Variants in SEPTIN2 observed in about 807,000 individuals in gnomAD.
The protein encoded by SEPTIN2 is septin 2.
A neutral mutation model predicts 46.5 loss-of-function variants in SEPTIN2; 34 were observed. That is an observed-to-expected ratio of 0.73 (90% confidence interval 0.56 to 0.97). SEPTIN2 has a LOEUF of 0.97. Ranked by LOEUF, SEPTIN2 falls within the 50% of genes least tolerant of loss-of-function variation. SEPTIN2 has a pLI of 0.00. For synonymous variants in SEPTIN2, 175 were observed against 153.4 expected (o/e 1.14, Z -1.04); for missense variants, 347 against 448.4 (o/e 0.77, Z 2.04).
At chr2:241,326,200 A>G in intron 3 of SEPTIN2, 87 bp downstream of exon 3, 1 of 1,294,006 alleles carries the variant, frequency 7.7e-7, no homozygotes, top group East Asian at 2.6e-5. Context: ...ACCTATAAAG[A>G]AAGAGGAAAA....
intron 7 of SEPTIN2, among the ~76,000 whole-genome samples, chr2:241,338,216 C>T (rs1175771825): frequency 6.6e-6 from 1 of 152,078 alleles, no homozygotes; most frequent in African/African-American, 2.4e-5. Flanking sequence ...TGTCAGCCAG[C>T]GAAGCGCCTC....
intron 1 of SEPTIN2, among the ~76,000 whole-genome samples, chr2:241,321,341 G>C (rs59496049): frequency 0.15 from 22,946 of 151,970 alleles, 2,344 homozygotes; most frequent in Admixed American, 0.34. Flanking sequence ...TGAATATACA[G>C]GCTTATGAAT....
chr2:241,334,608 G>C (rs2079594942), intron 3 of SEPTIN2, among the ~76,000 whole-genome samples: 2 of 152,170 alleles, frequency 1.3e-5, no homozygotes, highest in Non-Finnish European at 2.9e-5. Context: ...GCAGAAGGGG[G>C]AGGTTGCAGA....
Position 241,337,119 on chromosome 2 carries a change from C to CCCT in SEPTIN2, c.342-262_342-260dup. ...AAAAAAAAAAAGAACGAATTGGCAG[C>CCCT]CCTGTCTACACTGGCCCTCTCTCAG... On this transcript the variant is annotated intron_variant, in intron 5 of 12. Coordinates refer to ENST00000391971, the MANE Select transcript of SEPTIN2 (RefSeq NM_004404.5). The CCCT allele has an allele frequency of 5.6e-6, 2 of 358,166 alleles. 1 individual carries two copies. 22.2% of individuals were successfully genotyped at this position (358,166 alleles called of 1,614,324 possible). A position where few individuals can be genotyped will look rare whatever the true frequency, so the allele number is the denominator to read the frequency against.
intron 8 of SEPTIN2, among the ~76,000 whole-genome samples, chr2:241,343,436 T>C (rs1174030816): frequency 4.6e-5 from 7 of 151,904 alleles, no homozygotes; most frequent in African/African-American, 1.5e-4. Flanking sequence ...GAGGCAGAGG[T>C]TGCAGTGAGC....
At chr2:241,324,280 A>T (rs750543286) in intron 2 of SEPTIN2, 39 bp downstream of exon 2, 3 of 1,569,528 alleles carry the variant, frequency 1.9e-6, no homozygotes, top group Non-Finnish European at 2.6e-6. Flanking sequence ...ATAAGGAGAA[A>T]TTGCTTTATG....
chr2:241,346,381 A>T (rs1310024252), intron 10 of SEPTIN2, 132 bp downstream of exon 10: 1 of 574,102 alleles, frequency 1.7e-6, no homozygotes, highest in Admixed American at 3.4e-5. Context: ...AAGTTATTAT[A>T]AAAGAGTTGT....
Position 241,346,170 on chromosome 2 carries a change from C to T in SEPTIN2, c.847C>T (p.His283Tyr), listed in dbSNP as rs1418571597. Reference sequence around the variant, plus strand: ...TGCATTCCTCTTCTCTTTCAGCACCCACATGCAGGATCTCCAGGAGGTGAC... The same window carrying T: ...TGCATTCCTCTTCTCTTTCAGCACCTACATGCAGGATCTCCAGGAGGTGAC... ...FLKLRTMLIT[H>Y]MQDLQEVTQD... The change falls in exon 10 of 13, where the codon CAC becomes TAC. Residue 283 changes from histidine to tyrosine, a missense_variant. Transcript: ENST00000391971. The T allele has an allele frequency of 6.2e-7, 1 of 1,613,408 alleles. No individual in the cohort carries two copies. Among genetic ancestry groups the T allele is most frequent in the Admixed American group, 1.7e-5 (1 of 59,990 alleles).
Position 241,335,192 on chromosome 2 carries a change from G to A in SEPTIN2, c.197G>A (p.Arg66Lys), listed in dbSNP as rs1246615680. ...SLFLTDLYPE[R>K]VIPGAAEKIE... ...TTCCTAACTGATCTGTACCCAGAAA[G>A]AGTCATACCTGGAGCAGCAGGTAAA... is the stretch of plus-strand genomic sequence containing the variant. Residue 66 changes from arginine (R) to lysine (K), a missense_variant, in exon 4 of 13, where the codon AGA (arginine) becomes AAA (lysine). Coordinates refer to ENST00000391971, the MANE Select transcript of SEPTIN2 (RefSeq NM_004404.5). 3 of 1,613,670 alleles carry A rather than the reference G, an allele frequency of 1.9e-6. No individual in the cohort carries two copies. Among genetic ancestry groups the A allele is most frequent in the Non-Finnish European group, 8.5e-7 (1 of 1,179,714 alleles).
At chr2:241,330,176 C>A (rs1330411913) in intron 3 of SEPTIN2, among the ~76,000 whole-genome samples, 1 of 152,116 alleles carries the variant, frequency 6.6e-6, no homozygotes, top group African/African-American at 2.4e-5. Flanking sequence ...AAAGTCAATG[C>A]ACTGAGTCCT....
At chr2:241,332,255 G>A (rs1027640040) in intron 3 of SEPTIN2, among the ~76,000 whole-genome samples, 1 of 152,174 alleles carries the variant, frequency 6.6e-6, no homozygotes, top group African/African-American at 2.4e-5. Flanking sequence ...GAGGAACTCA[G>A]AAAGTATTCA....
chr2:241,338,902 T>A (rs1451807321), intron 7 of SEPTIN2, among the ~76,000 whole-genome samples: 2 of 79,388 alleles, frequency 2.5e-5, no homozygotes, highest in African/African-American at 1.0e-4. Flanking sequence ...ATTATATATA[T>A]TATATATAAT....
intron 1 of SEPTIN2, chr2:241,316,409 T>G: frequency 8.3e-7 from 1 of 1,209,800 alleles, no homozygotes; most frequent in East Asian, 2.9e-5. Flanking sequence ...AACGGTGCCA[T>G]TTCCTCCCTG....
Position 241,326,103 on chromosome 2 carries a change from G to A in SEPTIN2, c.120G>A (p.Leu40=). The A allele has an allele frequency of 1.9e-6, 3 of 1,611,966 alleles. No homozygotes were observed. The South Asian group carries it at 3.3e-5, about 18-fold the overall frequency. The change falls in exon 3 of 13, where the codon CTG becomes CTA. Residue 40 remains leucine (L), a synonymous_variant. Coordinates refer to ENST00000391971, the MANE Select transcript of SEPTIN2 (RefSeq NM_004404.5). ...KSVKKGFEFT[L]MVVGESGLGK... ...TGAAAAAAGGTTTTGAGTTCACACT[G>A]ATGGTGGTCGGTAAGAAATTAATCT...
intron 1 of SEPTIN2, among the ~76,000 whole-genome samples, chr2:241,322,415 CT>C (rs1285452600): frequency 2.0e-5 from 3 of 151,718 alleles, no homozygotes; most frequent in Non-Finnish European, 4.4e-5. Context: ...ACCATCCTGG[CT>C]AACACAGTGA....
At chr2:241,346,439 T>G (rs1226651251) in intron 10 of SEPTIN2, 190 bp downstream of exon 10, 1 of 420,556 alleles carries the variant, frequency 2.4e-6, no homozygotes, top group African/African-American at 2.0e-5. Context: ...AAAAAGTACA[T>G]TTAATGATAT....
intron 3 of SEPTIN2, among the ~76,000 whole-genome samples, chr2:241,328,010 G>A (rs2078283833): frequency 6.6e-6 from 1 of 152,120 alleles, no homozygotes; most frequent in African/African-American, 2.4e-5. Flanking sequence ...CTGTCATCGT[G>A]CCACTGCGCT....
intron 3 of SEPTIN2, among the ~76,000 whole-genome samples, chr2:241,329,706 T>C (rs772386057): frequency 1.3e-5 from 2 of 152,236 alleles, no homozygotes; most frequent in Non-Finnish European, 2.9e-5. Context: ...GCGTCTACCT[T>C]ACTGCTGTGT....
rs576569632 is a variant in SEPTIN2 at position 241,348,209 on chromosome 2, A to ATTGGTTGG, written c.984+34_984+41dup. ...AAGCTGAGGTAAGTAGGAAAGTACT[A>ATTGGTTGG]TTGGTTGGTTGGTTGGTTGGTTGTT... is the stretch of plus-strand genomic sequence containing the variant. On this transcript the variant is annotated intron_variant, in intron 11 of 12. Transcript: ENST00000391971. 2.5e-6 allele frequency: 4 copies of ATTGGTTGG among 1,602,084 alleles called. No homozygotes were observed. The highest frequency in any genetic ancestry group is 1.7e-4 in the Middle Eastern group (1 of 6,018).
Sources: gnomAD v4.1 joint callset for allele counts (sites outside exome capture counted in the v4.1 genomes callset) on GRCh38, gnomAD v4.1.1 for gene constraint, MANE v1.5 for transcripts, NCBI Gene and HGNC (gene_info 2026-07-23, HGNC 2026-07-21) for gene names.